R3HDM1: variants seen among roughly 807,000 people sequenced by gnomAD.
The protein encoded by R3HDM1 is R3H domain containing 1.
R3HDM1 carries 46 observed loss-of-function variants against 141.1 expected under a neutral mutation model. The ratio of observed to expected loss-of-function variants is 0.33; its 90% confidence interval spans 0.26 to 0.42. The LOEUF is 0.42. Ranked by LOEUF, R3HDM1 falls within the 10% of genes least tolerant of loss-of-function variation. R3HDM1 has a pLI of 1.00. For missense variants in R3HDM1, 1,184 were observed against 1,368.3 expected (o/e 0.87, Z 2.12); for synonymous variants, 435 against 472.9 (o/e 0.92, Z 1.04).
At chr2:135,597,273 C>G in intron 1 of R3HDM1, 4 of 977,926 alleles carry the variant, frequency 4.1e-6, no homozygotes, top group Non-Finnish European at 4.9e-6. Context: ...GGAGTTCATT[C>G]TCTTTACTCT....
chr2:135,717,076 G>A lies in R3HDM1; in HGVS notation c.2881+1382G>A, dbSNP rs148123950. On this transcript the variant is annotated intron_variant, in intron 24 of 26. Transcript: ENST00000683871. ...GTATGCAGATGTCTAATAAGCCCTT[G>A]AAAAGATATTTAACATCAGTCATTA... Among the ~76,000 whole-genome samples, 661 of 152,294 alleles carry A rather than the reference G, an allele frequency of 4.3e-3. 2 individuals are homozygous for A. The highest frequency in any genetic ancestry group is 0.014 in the South Asian group (67 of 4,830).
At chr2:135,681,050 G>A (rs2070212022) in intron 21 of R3HDM1, among the ~76,000 whole-genome samples, 1 of 152,196 alleles carries the variant, frequency 6.6e-6, no homozygotes, top group Non-Finnish European at 1.5e-5. Context: ...GGGAAGGCAT[G>A]TAAGAGAAGT....
intron 1 of R3HDM1, among the ~76,000 whole-genome samples, chr2:135,594,529 C>G (rs1403512542): frequency 6.6e-6 from 1 of 152,156 alleles, no homozygotes; most frequent in East Asian, 1.9e-4. Context: ...TCGTGTTGGC[C>G]TTAATGAACC....
chr2:135,536,794 C>T (rs886626694), intron 1 of R3HDM1: 4 of 815,060 alleles, frequency 4.9e-6, no homozygotes, highest in East Asian at 1.2e-4. Context: ...TGCAGTGGAC[C>T]GGTGAACATC....
chr2:135,637,193 G>A (rs999540236), intron 11 of R3HDM1, among the ~76,000 whole-genome samples: 4 of 152,112 alleles, frequency 2.6e-5, no homozygotes, highest in African/African-American at 9.7e-5. Context: ...AGACATGAAG[G>A]TGTAATAGAT....
At chr2:135,686,725 C>A (rs1206556782) in intron 21 of R3HDM1, among the ~76,000 whole-genome samples, 1 of 152,000 alleles carries the variant, frequency 6.6e-6, no homozygotes, top group African/African-American at 2.4e-5. Flanking sequence ...GGCGACAGAG[C>A]CAGACCCTCT....
At chr2:135,559,955 C>T (rs1404172492) in intron 1 of R3HDM1, among the ~76,000 whole-genome samples, 2 of 152,208 alleles carry the variant, frequency 1.3e-5, no homozygotes, top group Admixed American at 6.5e-5. Flanking sequence ...AAATATTTCA[C>T]TATCATCATG....
chr2:135,624,064 T>G (rs2061758148), intron 7 of R3HDM1, among the ~76,000 whole-genome samples: 1 of 152,164 alleles, frequency 6.6e-6, no homozygotes, highest in Non-Finnish European at 1.5e-5. Context: ...AAGTGTTATA[T>G]TCAAGGAAAG....
At chr2:135,553,581 T>A (rs1264385660) in intron 1 of R3HDM1, among the ~76,000 whole-genome samples, 1 of 152,240 alleles carries the variant, frequency 6.6e-6, no homozygotes, top group African/African-American at 2.4e-5. Flanking sequence ...GGTTTCAAAA[T>A]GTGATGTTTT....
At chr2:135,660,665 G>A (rs2066577413) in intron 18 of R3HDM1, among the ~76,000 whole-genome samples, 1 of 152,048 alleles carries the variant, frequency 6.6e-6, no homozygotes, top group South Asian at 2.1e-4. Context: ...GGCCAACGTG[G>A]TGAAACCCCA....
intron 3 of R3HDM1, among the ~76,000 whole-genome samples, chr2:135,612,059 G>C (rs1222407602): frequency 6.6e-6 from 1 of 152,014 alleles, no homozygotes; most frequent in Non-Finnish European, 1.5e-5. Flanking sequence ...GTGCTTTATG[G>C]CTCGAAAGAT....
intron 1 of R3HDM1, among the ~76,000 whole-genome samples, chr2:135,601,660 A>T (rs2059628132): frequency 6.6e-6 from 1 of 152,184 alleles, no homozygotes; most frequent in Non-Finnish European, 1.5e-5. Context: ...CATGGAGAAA[A>T]TTTTGTATTT....
At chr2:135,661,240 G>T in intron 18 of R3HDM1, 30 bp from the exon 19 acceptor site, 1 of 1,612,098 alleles carries the variant, frequency 6.2e-7, no homozygotes, top group South Asian at 1.1e-5. Context: ...AAGTAAAATT[G>T]ATTTTTTCCC....
intron 18 of R3HDM1, among the ~76,000 whole-genome samples, chr2:135,653,072 C>T (rs1035963716): frequency 6.7e-6 from 1 of 149,994 alleles, no homozygotes; most frequent in Non-Finnish European, 1.5e-5. Flanking sequence ...AAAAAAAACA[C>T]GGGCCAAACA....
intron 1 of R3HDM1, chr2:135,568,800 C>T (rs1703398621): frequency 6.6e-6 from 1 of 152,186 alleles, no homozygotes; most frequent in Admixed American, 6.5e-5. Context: ...AAGGAGTCGT[C>T]ACTTGGCCGG....
chr2:135,691,102 T>G (rs1368843664), intron 21 of R3HDM1, among the ~76,000 whole-genome samples: 2 of 152,186 alleles, frequency 1.3e-5, no homozygotes, highest in Non-Finnish European at 2.9e-5. Flanking sequence ...GTCTTTCTGG[T>G]TAAACATACA....
chr2:135,683,403 A>T (rs977093782), intron 21 of R3HDM1, among the ~76,000 whole-genome samples: 2 of 151,740 alleles, frequency 1.3e-5, no homozygotes, highest in African/African-American at 4.8e-5. Flanking sequence ...AAAATACAAA[A>T]ATTAGCCGGG....
Position 135,561,237 on chromosome 2 carries a change from T to C in R3HDM1, c.-250+29604T>C, listed in dbSNP as rs1192707340. 38 of 917,482 alleles carry C rather than the reference T, an allele frequency of 4.1e-5. No homozygotes were observed. In the South Asian group the frequency reaches 5.5e-4, roughly 13 times the overall value. 56.8% of individuals were successfully genotyped at this position (917,482 alleles called of 1,614,324 possible). A position where few individuals can be genotyped will look rare whatever the true frequency, so the allele number is the denominator to read the frequency against. On this transcript the variant is annotated intron_variant, in intron 1 of 26. Coordinates refer to ENST00000683871, the MANE Select transcript of R3HDM1 (RefSeq NM_001378107.1). The stretch of plus-strand genomic sequence containing the variant: ...GACCTGTTCCATTGATGGACAACTT[T>C]GTAACAAATTTTTCTCTTTTTAGTG...
At chr2:135,626,883 A>G (rs2062102014) in intron 7 of R3HDM1, among the ~76,000 whole-genome samples, 1 of 152,174 alleles carries the variant, frequency 6.6e-6, no homozygotes, top group Non-Finnish European at 1.5e-5. Context: ...CCTGTTCTGG[A>G]CATCTCATAT....
Sources: allele counts gnomAD v4.1 joint callset (sites outside exome capture counted in the v4.1 genomes callset), GRCh38; gene constraint gnomAD v4.1.1; transcripts MANE v1.5; gene names NCBI Gene and HGNC (gene_info 2026-07-23, HGNC 2026-07-21).